SYN3: variants seen among roughly 807,000 people sequenced by gnomAD.
SYN3 encodes the protein synapsin-3.
Under a neutral mutation model 65.8 loss-of-function variants are expected in SYN3, and 35 were observed. The ratio of observed to expected loss-of-function variants is 0.53; its 90% confidence interval spans 0.41 to 0.70. SYN3 has a LOEUF of 0.70. SYN3 is among the 30% of genes least tolerant of loss of function. The pLI, the probability that SYN3 is intolerant of heterozygous loss-of-function variation, is 0.00. For missense variants in SYN3, 680 were observed against 749.0 expected (o/e 0.91, Z 1.08); for synonymous variants, 270 against 292.9 (o/e 0.92, Z 0.80).
chr22:32,869,356 C>CTCTCTCTCTT, intron 4 of SYN3, among the ~76,000 whole-genome samples: 1 of 130,416 alleles, frequency 7.7e-6, no homozygotes, highest in Non-Finnish European at 1.7e-5. Context: ...CTCTCTCTCT[C>CTCTCTCTCTT]TCTCTCTCTC....
At chr22:32,780,451 G>A (rs182897715) in intron 6 of SYN3, among the ~76,000 whole-genome samples, 1 of 152,212 alleles carries the variant, frequency 6.6e-6, no homozygotes, top group African/African-American at 2.4e-5. Context: ...TTTCCTTTTC[G>A]CATCTCTGCA....
intron 7 of SYN3, among the ~76,000 whole-genome samples, chr22:32,586,086 A>ATATATGTATATATGTATACATG (rs1268302510): frequency 2.1e-5 from 2 of 96,564 alleles, no homozygotes; most frequent in South Asian, 9.2e-4. Context: ...GTATACATGT[A>ATATATGTATATATGTATACATG]TATATGTATA....
chr22:32,837,534 C>T lies in SYN3; in HGVS notation c.711+27381G>A, dbSNP rs1569264788. 1.3e-5 allele frequency among the ~76,000 whole-genome samples: 2 copies of T among 152,076 alleles called. No individual in the cohort carries two copies. The highest frequency in any genetic ancestry group is 2.1e-4 in the South Asian group (1 of 4,810). On this transcript the variant is annotated intron_variant, in intron 6 of 13. Transcript: ENST00000358763. This position sits in a 1 kb window ranked among gnomAD's most constrained non-coding sequence, Gnocchi z 4.1. ...GGGCTTGAGGGGAGACAGGGTACGG[C>T]GGGAGACAGAGATGCATGAAATACT...
At chr22:32,612,869 T>C (rs2059465126) in intron 6 of SYN3, among the ~76,000 whole-genome samples, 1 of 151,886 alleles carries the variant, frequency 6.6e-6, no homozygotes, top group Admixed American at 6.6e-5. Context: ...ATAAATGATA[T>C]GGTTTGGCTC....
intron 3 of SYN3, among the ~76,000 whole-genome samples, chr22:32,977,205 TG>T (rs1216408018): frequency 1.3e-5 from 2 of 152,170 alleles, no homozygotes; most frequent in Non-Finnish European, 2.9e-5. Flanking sequence ...GGTTTCTCAG[TG>T]TGATTGTAGA....
At chr22:32,931,190 T>C (rs1313345947) in intron 4 of SYN3, 200 bp downstream of exon 4, 1 of 507,252 alleles carries the variant, frequency 2.0e-6, no homozygotes, top group Non-Finnish European at 3.6e-6. Context: ...AGGGCTCACT[T>C]GGGGACACCA....
intron 2 of SYN3, among the ~76,000 whole-genome samples, chr22:33,002,112 C>T (rs117226937): frequency 0.029 from 4,413 of 152,268 alleles, 105 homozygotes; most frequent in Non-Finnish European, 0.049. Flanking sequence ...AAGCTCAGAG[C>T]CTAATAGTGA....
At chr22:32,814,333 A>AAGAC in intron 6 of SYN3, among the ~76,000 whole-genome samples, 2 of 148,168 alleles carry the variant, frequency 1.3e-5, no homozygotes, top group Admixed American at 6.7e-5. Context: ...GAAAGAAAGA[A>AAGAC]AGAAAGAGAA....
intron 1 of SYN3, among the ~76,000 whole-genome samples, chr22:33,041,351 C>T (rs867525846): frequency 6.8e-5 from 10 of 148,004 alleles, no homozygotes; most frequent in Admixed American, 1.4e-4. Flanking sequence ...AGTGCAGTGG[C>T]GCGATCTCGG....
At position 32,849,910 on chromosome 22, in the gene SYN3, A is replaced by G. The variant is rs916344485; in HGVS notation, c.711+15005T>C. ...GAGGGGGTTGGACTAGATCATCTCT[A>G]TGAACTCTTCTGAGCTCTGACTATC... On this transcript the variant is annotated intron_variant, in intron 6 of 13. Transcript: ENST00000358763. Among the ~76,000 whole-genome samples, 4 of 151,878 alleles carry G rather than the reference A, an allele frequency of 2.6e-5. No homozygotes were observed. In the East Asian group the frequency reaches 5.8e-4, roughly 22 times the overall value.
chr22:32,729,220 G>A (rs948802115), intron 6 of SYN3, among the ~76,000 whole-genome samples: 2 of 152,198 alleles, frequency 1.3e-5, no homozygotes, highest in Non-Finnish European at 1.5e-5. Context: ...CTCTTTCCGG[G>A]CTTGAGAGCA....
intron 4 of SYN3, among the ~76,000 whole-genome samples, chr22:32,911,447 C>G (rs1019382873): frequency 6.6e-6 from 1 of 152,156 alleles, no homozygotes; most frequent in African/African-American, 2.4e-5. Flanking sequence ...TGACTCTTCT[C>G]CTGCCTCAGT....
chr22:32,703,210 T>C (rs1003228918), intron 6 of SYN3, among the ~76,000 whole-genome samples: 2 of 152,226 alleles, frequency 1.3e-5, no homozygotes, highest in Non-Finnish European at 2.9e-5. Flanking sequence ...AGAGGTAGAC[T>C]TTGCTTTGGG....
intron 12 of SYN3, among the ~76,000 whole-genome samples, chr22:32,524,178 CAGA>C (rs2057937094): frequency 6.6e-6 from 1 of 152,220 alleles, no homozygotes; most frequent in Non-Finnish European, 1.5e-5. Context: ...GCAAGTTATC[CAGA>C]AGAACTAGCT....
chr22:32,637,490 G>A (rs1261134852), intron 6 of SYN3, among the ~76,000 whole-genome samples: 1 of 151,970 alleles, frequency 6.6e-6, no homozygotes, highest in Admixed American at 6.6e-5. Flanking sequence ...TTTTCAACTT[G>A]TCTTTTAGAT....
intron 2 of SYN3, among the ~76,000 whole-genome samples, chr22:32,994,042 G>C (rs2052804573): frequency 6.6e-6 from 1 of 152,122 alleles, no homozygotes; most frequent in Non-Finnish European, 1.5e-5. Flanking sequence ...CTCCCCGAAA[G>C]AGCTGGGTAG....
intron 6 of SYN3, among the ~76,000 whole-genome samples, chr22:32,615,432 T>TA (rs1190319833): frequency 6.7e-4 from 50 of 74,364 alleles, no homozygotes; most frequent in Admixed American, 1.6e-3. Flanking sequence ...AGACTTCATC[T>TA]AAAAAAAAAA....
intron 2 of SYN3, among the ~76,000 whole-genome samples, chr22:32,993,728 T>C (rs1304554588): frequency 6.6e-6 from 1 of 151,864 alleles, no homozygotes; most frequent in African/African-American, 2.4e-5. Flanking sequence ...GTCATTGTGA[T>C]AGAAAGTCTT....
intron 7 of SYN3, among the ~76,000 whole-genome samples, chr22:32,555,851 A>G (rs1196745184): frequency 1.3e-5 from 2 of 152,176 alleles, no homozygotes; most frequent in African/African-American, 2.4e-5. Flanking sequence ...GGATGGGGTC[A>G]AGGGGGATAA....
Sources: allele counts gnomAD v4.1 joint callset (sites outside exome capture counted in the v4.1 genomes callset), GRCh38; gene constraint gnomAD v4.1.1; non-coding constraint Gnocchi (gnomAD v3.1); transcripts MANE v1.5; gene names NCBI Gene and HGNC (gene_info 2026-07-23, HGNC 2026-07-21).